Variants in CTNNA2 observed in about 807,000 individuals in gnomAD.
CTNNA2 encodes the protein catenin alpha-2.
A neutral mutation model predicts 101.0 loss-of-function variants in CTNNA2; 42 were observed. That is an observed-to-expected ratio of 0.42 (90% CI 0.32 to 0.54). The LOEUF is 0.54. Ranked by LOEUF, CTNNA2 falls within the 20% of genes least tolerant of loss-of-function variation. The pLI is 0.14. For missense variants in CTNNA2, 871 were observed against 1,223.1 expected (o/e 0.71, Z 4.29); for synonymous variants, 450 against 456.4 (o/e 0.99, Z 0.18).
At chr2:80,370,094 C>G (rs959485168) in intron 7 of CTNNA2, among the ~76,000 whole-genome samples, 1 of 152,128 alleles carries the variant, frequency 6.6e-6, no homozygotes, top group Non-Finnish European at 1.5e-5. Flanking sequence ...TAGCAAGTAT[C>G]ATGAATTCAC....
chr2:79,815,061 A>G (rs1357418508), intron 3 of CTNNA2, among the ~76,000 whole-genome samples: 2 of 152,018 alleles, frequency 1.3e-5, no homozygotes, highest in African/African-American at 2.4e-5. Context: ...TTGGTTGGCC[A>G]TTTTTGTATC....
intron 3 of CTNNA2, among the ~76,000 whole-genome samples, chr2:79,840,879 C>T (rs1679752720): frequency 6.6e-6 from 1 of 152,084 alleles, no homozygotes; most frequent in Admixed American, 6.5e-5. Context: ...ACGCCATTCT[C>T]CTGCCTCAGC....
intron 7 of CTNNA2, among the ~76,000 whole-genome samples, chr2:79,930,328 GAAAGAAAGAAAGAA>G (rs1687346821): frequency 6.9e-6 from 1 of 144,230 alleles, no homozygotes; most frequent in African/African-American, 2.7e-5. Flanking sequence ...AAGAAAGAAA[GAAAGAAAGAAAGAA>G]AGAAAGAAAG....
chr2:79,422,144 C>T (rs1346872695), intron 4 of CTNNA2, among the ~76,000 whole-genome samples: 2 of 152,086 alleles, frequency 1.3e-5, no homozygotes, highest in African/African-American at 4.8e-5. Flanking sequence ...CGGAGTAAGA[C>T]GCTGTCTCAA....
chr2:80,419,657 A>G, intron 9 of CTNNA2, 56 bp downstream of exon 9: 2 of 1,543,776 alleles, frequency 1.3e-6, no homozygotes, highest in Non-Finnish European at 1.8e-6. Flanking sequence ...ATCTCTGCAT[A>G]TGGCTCTTAG....
At chr2:79,243,654 G>C (rs1036227556) in intron 2 of CTNNA2, among the ~76,000 whole-genome samples, 16 of 152,174 alleles carry the variant, frequency 1.1e-4, no homozygotes, top group Admixed American at 9.8e-4. Context: ...ATAATGCATT[G>C]TTTGAAGGAG....
At chr2:80,530,757 C>G (rs1690467832) in intron 9 of CTNNA2, among the ~76,000 whole-genome samples, 1 of 152,162 alleles carries the variant, frequency 6.6e-6, no homozygotes, top group Non-Finnish European at 1.5e-5. Flanking sequence ...ATGGAGAACT[C>G]TTTGATTTTT....
intron 2 of CTNNA2, among the ~76,000 whole-genome samples, chr2:79,280,719 C>G (rs1312885367): frequency 1.4e-5 from 2 of 140,944 alleles, no homozygotes; most frequent in East Asian, 4.7e-4. Context: ...GCTCCCAGAT[C>G]TCTTTGGATG....
At chr2:79,717,767 T>C (rs1686201708) in intron 2 of CTNNA2, among the ~76,000 whole-genome samples, 1 of 152,120 alleles carries the variant, frequency 6.6e-6, no homozygotes, top group African/African-American at 2.4e-5. Flanking sequence ...TATCTAGGGA[T>C]AGCAGGCCAG....
chr2:80,548,158 A>C (rs912757679), intron 11 of CTNNA2, among the ~76,000 whole-genome samples: 1 of 152,146 alleles, frequency 6.6e-6, no homozygotes, highest in South Asian at 2.1e-4. Context: ...ACTGATACTA[A>C]TCTTTATAGT....
upstream of CTNNA2, among the ~76,000 whole-genome samples, chr2:79,508,552 A>G (rs77193792): frequency 2.5e-4 from 38 of 152,300 alleles, no homozygotes; most frequent in East Asian, 7.3e-3. Flanking sequence ...GAAATAAAAG[A>G]TGATAGAAAC....
intron 4 of CTNNA2, among the ~76,000 whole-genome samples, chr2:79,391,780 T>C (rs1479847070): frequency 6.6e-6 from 1 of 152,180 alleles, no homozygotes; most frequent in East Asian, 1.9e-4. Flanking sequence ...TTGCCAGGGC[T>C]GCCATACAAA....
In CTNNA2 at chr2:79,664,705, C is replaced by CTTTTTTTTTTTTTTTTTTTT. The variant is rs67782114; in HGVS notation, c.102+13054_102+13073dup. Among the ~76,000 whole-genome samples the CTTTTTTTTTTTTTTTTTTTT allele has an allele frequency of 3.8e-4, 36 of 94,984 alleles. 1 individual carries two copies. The highest frequency in any genetic ancestry group is 1.5e-3 in the African/African-American group (35 of 22,942). 62.3% of individuals were successfully genotyped at this position (94,984 alleles called of 152,430 possible). On this transcript the variant is annotated intron_variant, in intron 2 of 18. Transcript: ENST00000402739. ...TAAATTCTGGAGAATTCACATTCTTCTTTTTTTTTTTTTTTTTTTTTTTTT... is the reference window on the plus strand; with the variant it reads ...TAAATTCTGGAGAATTCACATTCTTCTTTTTTTTTTTTTTTTTTTTTTTTTTTTTTTTTTTTTTTTTTTTT...
Position 79,591,352 on chromosome 2 carries a change from C to T in CTNNA2, c.-5-60200C>T, listed in dbSNP as rs116317159. On this transcript the variant is annotated intron_variant, in intron 1 of 18. Transcript: ENST00000402739. ...TATCCTGTGGCATTTTAAACCATGA[C>T]CTTGAAGACCGTATTAAGACAAGTG... Among the ~76,000 whole-genome samples the T allele has an allele frequency of 6.9e-3, 1,050 of 152,200 alleles. 13 individuals are homozygous for T. The highest frequency in any genetic ancestry group is 0.023 in the African/African-American group (966 of 41,536).
At chr2:79,287,537 G>A (rs1290672937) in intron 2 of CTNNA2, among the ~76,000 whole-genome samples, 1 of 112,434 alleles carries the variant, frequency 8.9e-6, no homozygotes, top group South Asian at 3.0e-4. Flanking sequence ...GTCTGCCCCT[G>A]CTGGGGGGTG....
At chr2:79,607,035 A>G (rs1475905554) in intron 1 of CTNNA2, among the ~76,000 whole-genome samples, 1 of 152,234 alleles carries the variant, frequency 6.6e-6, no homozygotes, top group East Asian at 1.9e-4. Context: ...CGAAGTGTAT[A>G]CTTTGTATAA....
chr2:79,470,439 A>T (rs1484218678), intron 4 of CTNNA2, among the ~76,000 whole-genome samples: 1 of 152,234 alleles, frequency 6.6e-6, no homozygotes, highest in East Asian at 1.9e-4. Context: ...GCAAGAAGGG[A>T]TATTACAAAA....
At chr2:79,507,132 A>C (rs962838885) in intron 5 of CTNNA2, among the ~76,000 whole-genome samples, 5 of 152,194 alleles carry the variant, frequency 3.3e-5, no homozygotes, top group African/African-American at 1.2e-4. Context: ...GGAAAGAAAA[A>C]CACATTGAGT....
intron 7 of CTNNA2, among the ~76,000 whole-genome samples, chr2:80,219,181 A>ACCATCTTTGCATC (rs1448301831): frequency 6.6e-6 from 1 of 152,220 alleles, no homozygotes; most frequent in Non-Finnish European, 1.5e-5. Context: ...TTTTGAGCAC[A>ACCATCTTTGCATC]CCATCTTTGC....
Sources: allele counts gnomAD v4.1 joint callset (sites outside exome capture counted in the v4.1 genomes callset), GRCh38; gene constraint gnomAD v4.1.1; transcripts MANE v1.5; gene names NCBI Gene and HGNC (gene_info 2026-07-23, HGNC 2026-07-21).